Variants in NBEAL1 observed in about 807,000 individuals in gnomAD.
The protein encoded by NBEAL1 is neurobeachin like 1.
A neutral mutation model predicts 351.3 loss-of-function variants in NBEAL1; 273 were observed. The ratio of observed to expected loss-of-function variants is 0.78; its 90% CI spans 0.70 to 0.86. The LOEUF (loss-of-function observed/expected upper bound fraction) is 0.86. NBEAL1 is among the 40% of genes least tolerant of loss of function. NBEAL1 has a pLI of 0.00. For synonymous variants in NBEAL1, 1,050 were observed against 1,086.4 expected (o/e 0.97, Z 0.66); for missense variants, 2,961 against 3,201.3 (o/e 0.92, Z 1.81).
At chr2:203,135,531 CTAAT>C in intron 27 of NBEAL1, 142 bp from the exon 28 acceptor site, 2 of 576,496 alleles carry the variant, frequency 3.5e-6, no homozygotes, top group South Asian at 3.0e-5. Context: ...AGTTTATAAT[CTAAT>C]TAAGAATATA....
At chr2:203,165,006 C>T (rs2064090970) in intron 36 of NBEAL1, among the ~76,000 whole-genome samples, 1 of 152,072 alleles carries the variant, frequency 6.6e-6, no homozygotes, top group Admixed American at 6.6e-5. Flanking sequence ...GGATTACAGG[C>T]ATGCACCACC....
Position 203,098,811 on chromosome 2 carries a change from TATTTA to T in NBEAL1, c.1186-814_1186-810del, listed in dbSNP as rs368622265. Among the ~76,000 whole-genome samples, 868 of 152,284 alleles carry T rather than the reference TATTTA, an allele frequency of 5.7e-3. 8 individuals carry two copies. Among genetic ancestry groups the T allele is most frequent in the African/African-American group, 0.02 (837 of 41,556 alleles). ...TTTCCATTTAATATAAAAATAGATA[TATTTA>T]ATTGTTTATAAGTATAATTGATTGG... On this transcript the variant is annotated intron_variant, in intron 11 of 55. Coordinates refer to ENST00000683969, the MANE Select transcript of NBEAL1 (RefSeq NM_001378026.1).
intron 18 of NBEAL1, among the ~76,000 whole-genome samples, chr2:203,120,757 A>G (rs2062811481): frequency 6.6e-6 from 1 of 152,144 alleles, no homozygotes; most frequent in Non-Finnish European, 1.5e-5. Context: ...GGATTGGAGG[A>G]ATGGATTCTA....
intron 46 of NBEAL1, among the ~76,000 whole-genome samples, chr2:203,192,543 C>A (rs1427540177): frequency 6.6e-6 from 1 of 151,982 alleles, no homozygotes; most frequent in African/African-American, 2.4e-5. Flanking sequence ...CGCCACCACA[C>A]CTGGCTAATT....
In NBEAL1 at chr2:203,202,763, A is replaced by G; in HGVS notation, c.7488A>G (p.Ile2496Met). The stretch of plus-strand genomic sequence containing the variant: ...GTTCCAGAGATACTACATGTATGAT[A>G]TGGCAAATAACACAACAGGTAGTCA... ...ISGSRDTTCM[I>M]WQITQQGGVP... The change falls in exon 51 of 56, where the codon ATA becomes ATG. Residue 2496 changes from isoleucine to methionine, a missense_variant. Transcript: ENST00000683969. 6.3e-7 allele frequency: 1 copy of G among 1,583,496 alleles called. No individual in the cohort carries two copies.
intron 36 of NBEAL1, 22 bp from the exon 37 acceptor site, chr2:203,166,127 T>G: frequency 6.5e-7 from 1 of 1,529,524 alleles, no homozygotes; most frequent in Non-Finnish European, 8.7e-7. Flanking sequence ...TTTTTCTGTT[T>G]ATTGGCTTCT....
rs1559074044 is a variant in NBEAL1, at chr2:203,219,148, T to TA, written c.*1795dup. On this transcript the variant is annotated 3_prime_UTR_variant, in exon 56 of 56. Coordinates refer to ENST00000683969, the MANE Select transcript of NBEAL1 (RefSeq NM_001378026.1). Reference sequence around the variant, plus strand: ...GTGCCACCGTGGCTATCTTTTTTTTTATCTTACAGTTTTTTAGGAGATTTC... The same window carrying TA: ...GTGCCACCGTGGCTATCTTTTTTTTTAATCTTACAGTTTTTTAGGAGATTTC... 2 of 152,260 alleles carry TA rather than the reference T, an allele frequency of 1.3e-5. No individual in the cohort carries two copies. The highest frequency in any genetic ancestry group is 1.9e-4 in the East Asian group (1 of 5,192). The allele number at this position is 152,260 out of a possible 1,614,324, so 9.4% of individuals were successfully genotyped here. A position where few individuals can be genotyped will look rare whatever the true frequency, so the allele number is the denominator to read the frequency against.
chr2:203,029,376 C>G (rs981775543), intron 2 of NBEAL1, among the ~76,000 whole-genome samples: 2 of 152,220 alleles, frequency 1.3e-5, no homozygotes, highest in South Asian at 4.1e-4. Flanking sequence ...TTTTACCTAA[C>G]ATTGCAGATG....
intron 54 of NBEAL1, among the ~76,000 whole-genome samples, chr2:203,212,611 A>C (rs1438352053): frequency 1.3e-5 from 2 of 151,912 alleles, no homozygotes; most frequent in African/African-American, 4.8e-5. Context: ...CATCTCAAAA[A>C]AAAAAAAAAA....
intron 10 of NBEAL1, among the ~76,000 whole-genome samples, chr2:203,094,320 A>G (rs1435234897): frequency 6.6e-6 from 1 of 152,214 alleles, no homozygotes; most frequent in East Asian, 1.9e-4. Context: ...AAATCTTTGA[A>G]ATCTTATGAA....
intron 6 of NBEAL1, among the ~76,000 whole-genome samples, chr2:203,063,593 AAAG>A (rs1171620629): frequency 6.6e-6 from 1 of 152,048 alleles, no homozygotes; most frequent in South Asian, 2.1e-4. Context: ...GAAAAGAAAA[AAAG>A]AAATCTTCCT....
chr2:203,168,893 C>CAAAAAA (rs35683401), intron 38 of NBEAL1, among the ~76,000 whole-genome samples: 5 of 97,248 alleles, frequency 5.1e-5, no homozygotes, highest in African/African-American at 8.9e-5. Context: ...GACTCCATCT[C>CAAAAAA]AAAAAAAAAA....
At chr2:203,111,561 G>A (rs1255017513) in intron 15 of NBEAL1, among the ~76,000 whole-genome samples, 2 of 151,620 alleles carry the variant, frequency 1.3e-5, no homozygotes, top group African/African-American at 2.4e-5. Context: ...TAGTAGAGGT[G>A]GGGTTTCACC....
At chr2:203,052,716 CCA>C (rs1413817081) in intron 4 of NBEAL1, among the ~76,000 whole-genome samples, 1 of 121,160 alleles carries the variant, frequency 8.3e-6, no homozygotes, top group African/African-American at 3.0e-5. Context: ...GCCACCATGC[CCA>C]GTTATTTATT....
At chr2:203,206,616 T>TC (rs2065577701) in intron 51 of NBEAL1, among the ~76,000 whole-genome samples, 2 of 151,482 alleles carry the variant, frequency 1.3e-5, no homozygotes, top group Admixed American at 1.3e-4. Context: ...ACACGGGGTT[T>TC]CGCTGTGTTG....
intron 8 of NBEAL1, among the ~76,000 whole-genome samples, 199 bp from the exon 9 acceptor site, chr2:203,083,020 T>C (rs765579118): frequency 7.9e-5 from 12 of 152,006 alleles, no homozygotes; most frequent in Non-Finnish European, 5.9e-5. Context: ...CAAGAGAGAG[T>C]GTAAAGTGAG....
intron 49 of NBEAL1, among the ~76,000 whole-genome samples, chr2:203,200,315 A>C (rs1323198266): frequency 6.6e-6 from 1 of 152,156 alleles, no homozygotes; most frequent in African/African-American, 2.4e-5. Flanking sequence ...GATCGAGACC[A>C]TCTTGGCTAA....
chr2:203,110,012 C>T, intron 14 of NBEAL1, 138 bp from the exon 15 acceptor site: 1 of 816,174 alleles, frequency 1.2e-6, no homozygotes. Context: ...CAAGGTTGGA[C>T]TTCTGTGTGG....
intron 8 of NBEAL1, among the ~76,000 whole-genome samples, chr2:203,081,832 T>G (rs1433939116): frequency 6.6e-6 from 1 of 152,254 alleles, no homozygotes; most frequent in Non-Finnish European, 1.5e-5. Flanking sequence ...CCGGGCATGG[T>G]GGCTTACGCC....
Sources: gnomAD v4.1 joint callset for allele counts (sites outside exome capture counted in the v4.1 genomes callset) on GRCh38, gnomAD v4.1.1 for gene constraint, MANE v1.5 for transcripts, NCBI Gene and HGNC (gene_info 2026-07-23, HGNC 2026-07-21) for gene names.